The following TLR3 variants were observed in gnomAD, a reference collection of about 807,000 sequenced individuals.
TLR3 encodes the protein toll-like receptor 3.
TLR3 carries 43 observed loss-of-function variants against 66.4 expected under a neutral mutation model. That is an observed-to-expected ratio of 0.65 (90% CI 0.51 to 0.83). The LOEUF is 0.83. Among genes scored for constraint, TLR3 ranks in the 40% least tolerant of loss-of-function variants. The probability of loss-of-function intolerance (pLI) is 0.00; values close to 1 mark genes in which losing one functional copy is unlikely to be tolerated. For synonymous variants in TLR3, 397 were observed against 397.2 expected (o/e 1.00, Z 0.01); for missense variants, 982 against 1,044.6 (o/e 0.94, Z 0.83).
At chr4:186,074,219 A>G (rs1040235117) in intron 1 of TLR3, among the ~76,000 whole-genome samples, 1 of 152,164 alleles carries the variant, frequency 6.6e-6, no homozygotes, top group Admixed American at 6.5e-5. Flanking sequence ...AATCATGGGG[A>G]TATGTTCTGA....
Position 186,082,370 on chromosome 4 carries a change from G to A in TLR3, c.684G>A (p.Leu228=), listed in dbSNP as rs1221516302. ...TTGGAAGATTATTTGGCCTCTTTCT[G>A]AACAATGTCCAGCTGGGTCCCAGCC... is the stretch of plus-strand genomic sequence containing the variant. ...HAIGRLFGLF[L]NNVQLGPSLT... Residue 228 remains leucine (L), a synonymous_variant, in exon 4 of 5, where the codon CTG becomes CTA. Transcript: ENST00000296795. The A allele has an allele frequency of 1.2e-6, 2 of 1,612,240 alleles. No homozygotes were observed. The highest frequency in any genetic ancestry group is 1.7e-6 in the Non-Finnish European group (2 of 1,179,872).
intron 1 of TLR3, among the ~76,000 whole-genome samples, chr4:186,070,290 T>G (rs2099301216): frequency 6.6e-6 from 1 of 152,216 alleles, no homozygotes; most frequent in Non-Finnish European, 1.5e-5. Context: ...CTTACTGAAT[T>G]TTTGCATATC....
chr4:186,085,396 T>C lies in TLR3; in HGVS notation c.*523T>C, dbSNP rs1243770271. 1 of 153,570 alleles carries C rather than the reference T, an allele frequency of 6.5e-6. No homozygotes were observed. The allele number at this position is 153,570 out of a possible 1,614,324, so 9.5% of individuals were successfully genotyped here. The stretch of plus-strand genomic sequence containing the variant: ...GTCTCAGTGTTGACTTTGTTAAATG[T>C]TAAATATTTTTTAATATACATACCC... On this transcript the variant is annotated 3_prime_UTR_variant, in exon 5 of 5. Transcript: ENST00000296795.
intron 1 of TLR3, among the ~76,000 whole-genome samples, chr4:186,070,340 A>G: frequency 6.6e-6 from 1 of 152,258 alleles, no homozygotes; most frequent in East Asian, 1.9e-4. Flanking sequence ...ATTCAGATGG[A>G]TGTGAAATTT....
intron 1 of TLR3, among the ~76,000 whole-genome samples, chr4:186,073,472 A>G (rs1050391161): frequency 5.3e-5 from 8 of 152,054 alleles, no homozygotes; most frequent in Non-Finnish European, 8.8e-5. Flanking sequence ...GTGAGCCAAG[A>G]TGGCACCACT....
At chr4:186,074,544 G>T (rs553847610) in intron 1 of TLR3, among the ~76,000 whole-genome samples, 3 of 152,096 alleles carry the variant, frequency 2.0e-5, no homozygotes, top group Non-Finnish European at 2.9e-5. Context: ...TGGAGGCCTC[G>T]GACATGACTG....
intron 3 of TLR3, among the ~76,000 whole-genome samples, chr4:186,080,138 C>A (rs7668666): frequency 0.23 from 34,625 of 152,020 alleles, 4,346 homozygotes; most frequent in East Asian, 0.34. Context: ...ATTTTACACT[C>A]ATTTTGTTCC....
In TLR3 at chr4:186,083,035, A is replaced by G; in HGVS notation, c.1349A>G (p.Gln450Arg). The change falls in exon 4 of 5, where the codon CAG becomes CGG. Residue 450 changes from glutamine (Q) to arginine (R), a missense_variant. Transcript: ENST00000296795. The surrounding 1 kb of genome is among the most constrained non-coding windows in gnomAD (Gnocchi z 4.0). ...LNEIGQELTG[Q>R]EWRGLENIFE... is the part of the protein sequence containing the mutation. ...GAAATTGGGCAAGAACTCACAGGCCAGGAATGGAGAGGTCTAGAAAATATT... is the reference window on the plus strand; with the variant it reads ...GAAATTGGGCAAGAACTCACAGGCCGGGAATGGAGAGGTCTAGAAAATATT... 1.9e-6 allele frequency: 3 copies of G among 1,614,214 alleles called. No individual in the cohort carries two copies. The highest frequency in any genetic ancestry group is 2.5e-6 in the Non-Finnish European group (3 of 1,180,040).
At chr4:186,071,131 GT>G (rs1561368627) in intron 1 of TLR3, among the ~76,000 whole-genome samples, 1 of 152,172 alleles carries the variant, frequency 6.6e-6, no homozygotes, top group Non-Finnish European at 1.5e-5. Flanking sequence ...GGAAATGAAG[GT>G]TTTAGGATTT....
At position 186,083,261 on chromosome 4, in the gene TLR3, G is replaced by A; in HGVS notation, c.1575G>A (p.Met525Ile). 1 of 1,614,192 alleles carries A rather than the reference G, an allele frequency of 6.2e-7. No individual in the cohort carries two copies. Among genetic ancestry groups the A allele is most frequent in the African/African-American group, 1.3e-5 (1 of 75,034 alleles). ...ACATAGCCAACATAAATGATGACATGTTGGAGGGTCTTGAGAAACTAGAAA... is the reference window on the plus strand; with the variant it reads ...ACATAGCCAACATAAATGATGACATATTGGAGGGTCTTGAGAAACTAGAAA... ...NNNIANINDD[M>I]LEGLEKLEIL... Residue 525 changes from methionine to isoleucine, a missense_variant, in exon 4 of 5, where the codon ATG (methionine) becomes ATA (isoleucine). Around this residue, in one of 3 missense-constraint regions of TLR3, gnomAD observed 666 missense variants for 709.0 expected, o/e 0.94. Coordinates refer to ENST00000296795, the MANE Select transcript of TLR3 (RefSeq NM_003265.3). This position sits in a 1 kb window ranked among gnomAD's most constrained non-coding sequence, Gnocchi z 4.0.
chr4:186,082,994 T>A lies in TLR3; in HGVS notation c.1308T>A (p.Leu436=). 2.5e-6 allele frequency: 4 copies of A among 1,614,154 alleles called. No individual in the cohort carries two copies. The highest frequency in any genetic ancestry group is 3.4e-6 in the Non-Finnish European group (4 of 1,180,030). The part of the protein sequence containing the change: ...AFSWLGHLEV[L]DLGLNEIGQE... The stretch of plus-strand genomic sequence containing the variant: ...CTTGGTTGGGCCACCTAGAAGTACT[T>A]GACCTGGGCCTTAATGAAATTGGGC... Residue 436 remains leucine (L), a synonymous_variant, in exon 4 of 5, where the codon CTT becomes CTA. Transcript: ENST00000296795.
At chr4:186,079,068 T>G (rs1459593437) in intron 3 of TLR3, 37 bp downstream of exon 3, 1 of 1,544,652 alleles carries the variant, frequency 6.5e-7, no homozygotes, top group Admixed American at 1.7e-5. Context: ...CATTCTGCCT[T>G]TAAGGTGGAT....
At chr4:186,078,525 T>C (rs1299589136) in intron 2 of TLR3, among the ~76,000 whole-genome samples, 3 of 152,208 alleles carry the variant, frequency 2.0e-5, no homozygotes, top group Non-Finnish European at 4.4e-5. Context: ...ATAAATAAGT[T>C]CATAAATTAG....
chr4:186,083,495 A>T lies in TLR3; in HGVS notation c.1809A>T (p.Ala603=), dbSNP rs1215805210. The T allele has an allele frequency of 6.2e-7, 1 of 1,607,074 alleles. No homozygotes were observed. The highest frequency in any genetic ancestry group is 1.3e-5 in the African/African-American group (1 of 74,550). The part of the protein sequence containing the change: ...LGLNNLNTLP[A]SVFNNQVSLK... Reference sequence around the variant, plus strand: ...TGAATAATTTAAACACACTTCCAGCATCTGTCTTTAATAATCAGGTGTCTC... The same window carrying T: ...TGAATAATTTAAACACACTTCCAGCTTCTGTCTTTAATAATCAGGTGTCTC... Residue 603 remains alanine, a synonymous_variant, in exon 4 of 5, where the codon GCA becomes GCT. Transcript: ENST00000296795. This position sits in a 1 kb window ranked among gnomAD's most constrained non-coding sequence, Gnocchi z 4.0.
chr4:186,076,555 A>G (rs1361803544), intron 1 of TLR3, 58 bp from the exon 2 acceptor site: 22 of 1,526,082 alleles, frequency 1.4e-5, no homozygotes, highest in Non-Finnish European at 2.0e-5. Context: ...ATACCAATGC[A>G]TTTGAAAGCC....
chr4:186,083,701 C>T lies in TLR3; in HGVS notation c.2015C>T (p.Ser672Leu). 1 of 1,602,322 alleles carries T rather than the reference C, an allele frequency of 6.2e-7. No homozygotes were observed. Among genetic ancestry groups the T allele is most frequent in the East Asian group, 2.2e-5 (1 of 44,714 alleles). ...NETHTNIPELSSHYLCNTPPH... is the reference protein window; with the variant it reads ...NETHTNIPELLSHYLCNTPPH... ...ACCCATACCAACATCCCTGAGCTGTCAAGCCACTACCTTTGCAACACTCCA... is the reference window on the plus strand; with the variant it reads ...ACCCATACCAACATCCCTGAGCTGTTAAGCCACTACCTTTGCAACACTCCA... Residue 672 changes from serine (S) to leucine (L), a missense_variant, in exon 4 of 5, where the codon TCA becomes TTA. Around this residue, in one of 3 missense-constraint regions of TLR3, gnomAD observed 666 missense variants for 709.0 expected, o/e 0.94. Transcript: ENST00000296795. The surrounding 1 kb of genome is among the most constrained non-coding windows in gnomAD (Gnocchi z 4.0).
rs1379587371 is a variant in TLR3, at chr4:186,086,453, G to A, written c.*1580G>A. On this transcript the variant is annotated 3_prime_UTR_variant, in exon 5 of 5. Coordinates refer to ENST00000296795, the MANE Select transcript of TLR3 (RefSeq NM_003265.3). ...AATGAGAAATATCCACTGTACCTCT[G>A]GTTCTGAAGAGTCTATAGTCGGCCA... 2 of 152,174 alleles carry A rather than the reference G, an allele frequency of 1.3e-5. No homozygotes were observed. Among genetic ancestry groups the A allele is most frequent in the African/African-American group, 4.8e-5 (2 of 41,444 alleles). 9.4% of individuals were successfully genotyped at this position (152,174 alleles called of 1,614,324 possible). A position where few individuals can be genotyped will look rare whatever the true frequency, so the allele number is the denominator to read the frequency against.
In TLR3 at chr4:186,083,680, A is replaced by G; in HGVS notation, c.1994A>G (p.His665Arg). ...AWFVNWINET[H>R]TNIPELSSHY... ...TTTGTTAATTGGATTAACGAGACCC[A>G]TACCAACATCCCTGAGCTGTCAAGC... is the stretch of plus-strand genomic sequence containing the variant. The change falls in exon 4 of 5, where the codon CAT (histidine) becomes CGT (arginine). Residue 665 changes from histidine (H) to arginine (R), a missense_variant. By Grantham distance (29) the His-to-Arg change is conservative. This residue lies in a region of TLR3 where 666 missense variants were observed against 709.0 expected (regional missense o/e 0.94). Transcript: ENST00000296795. This position sits in a 1 kb window ranked among gnomAD's most constrained non-coding sequence, Gnocchi z 4.0. 6.3e-7 allele frequency: 1 copy of G among 1,599,436 alleles called. No homozygotes were observed. Among genetic ancestry groups the G allele is most frequent in the Non-Finnish European group, 8.5e-7 (1 of 1,172,386 alleles).
chr4:186,080,619 T>C (rs1318451389), intron 3 of TLR3, among the ~76,000 whole-genome samples: 1 of 152,132 alleles, frequency 6.6e-6, no homozygotes, highest in Non-Finnish European at 1.5e-5. Flanking sequence ...AGACTGAGTT[T>C]CACTCTTTGT....
Sources: gnomAD v4.1 joint callset for allele counts (sites outside exome capture counted in the v4.1 genomes callset) on GRCh38, gnomAD v4.1.1 for gene constraint, gnomAD v4.1.1 regional missense constraint, Gnocchi (gnomAD v3.1) non-coding constraint, MANE v1.5 for transcripts, NCBI Gene and HGNC (gene_info 2026-07-23, HGNC 2026-07-21) for gene names.